Variants in ABCC6 observed in about 807,000 individuals in gnomAD.
The protein encoded by ABCC6 is ATP-binding cassette sub-family C member 6.
Under a neutral mutation model 169.5 loss-of-function variants are expected in ABCC6, and 126 were observed. The ratio of observed to expected loss-of-function variants is 0.74; its 90% confidence interval spans 0.64 to 0.86. The LOEUF is 0.86. ABCC6 is among the 40% of genes least tolerant of loss of function. The pLI, the probability that ABCC6 is intolerant of heterozygous loss-of-function variation, is 0.00. For missense variants in ABCC6, 1,733 were observed against 1,927.2 expected (o/e 0.90, Z 1.89); for synonymous variants, 752 against 814.7 (o/e 0.92, Z 1.31).
intron 21 of ABCC6, among the ~76,000 whole-genome samples, chr16:16,170,968 AAG>A (rs1399581754): frequency 6.8e-6 from 1 of 147,874 alleles, no homozygotes; most frequent in Non-Finnish European, 1.5e-5. Context: ...GAAAGAAAGA[AAG>A]AAATTCCAAG....
At chr16:16,151,397 T>C (rs767611667) in intron 29 of ABCC6, among the ~76,000 whole-genome samples, 3 of 152,184 alleles carry the variant, frequency 2.0e-5, no homozygotes, top group Non-Finnish European at 4.4e-5. Context: ...CATCATACTA[T>C]TTTCCATAGT....
chr16:16,198,297 A>G, intron 9 of ABCC6, 115 bp from the exon 10 acceptor site: 1 of 1,197,614 alleles, frequency 8.3e-7, no homozygotes, highest in Non-Finnish European at 1.2e-6. Context: ...GTGGGTGAGT[A>G]AAGTCTCTTA....
intron 29 of ABCC6, among the ~76,000 whole-genome samples, chr16:16,151,950 T>G (rs1411027713): frequency 1.3e-5 from 2 of 151,840 alleles, no homozygotes; most frequent in Admixed American, 1.3e-4. Flanking sequence ...CCCAGCACTT[T>G]GGGAGGCTGA....
chr16:16,182,438 C>T lies in ABCC6; in HGVS notation c.2221G>A (p.Gly741Arg), dbSNP rs1453926113. 5 of 1,614,054 alleles carry T rather than the reference C, an allele frequency of 3.1e-6. No individual in the cohort carries two copies. In the Admixed American group the frequency reaches 5.0e-5, roughly 16 times the overall value. The change falls in exon 17 of 31, where the codon GGA becomes AGA. Residue 741 changes from glycine (G) to arginine (R), a missense_variant. Gly to Arg is a moderately radical substitution (Grantham distance 125). This residue lies in a region of ABCC6 where 1,601 missense variants were observed against 1,635.5 expected (regional missense o/e 0.98). Coordinates refer to ENST00000205557, the MANE Select transcript of ABCC6 (RefSeq NM_001171.6). ...LQPDVDSFPE[G>R]IHTSIGEQGM... ...TGCTCCCCAATTGAAGTGTGGATTC[C>T]CTCAGGGAAGCTGTCCACATCTGGC...
chr16:16,197,945 G>T, intron 10 of ABCC6, 76 bp downstream of exon 10: 2 of 1,470,806 alleles, frequency 1.4e-6, no homozygotes, highest in Non-Finnish European at 1.9e-6. Context: ...GAGGAAGGGT[G>T]GGAGGGGGAA....
intron 11 of ABCC6, among the ~76,000 whole-genome samples, chr16:16,191,990 G>GTTGTGGGAAGT (rs1567515588): frequency 5.3e-5 from 8 of 151,894 alleles, no homozygotes; most frequent in African/African-American, 1.9e-4. Flanking sequence ...GGACCCTGTA[G>GTTGTGGGAAGT]GTTGTGGGAA....
chr16:16,153,920 A>G (rs184927606), intron 29 of ABCC6, among the ~76,000 whole-genome samples: 13 of 151,158 alleles, frequency 8.6e-5, no homozygotes, highest in East Asian at 1.9e-4. Context: ...AAAAGAAAAA[A>G]AAAAAAAAAG....
intron 26 of ABCC6, among the ~76,000 whole-genome samples, chr16:16,159,252 C>T (rs1346309793): frequency 6.6e-6 from 1 of 152,148 alleles, no homozygotes; most frequent in East Asian, 1.9e-4. Context: ...GGGTGACCTG[C>T]TTTCCTCAAG....
chr16:16,199,000 G>GAA (rs11389909), intron 9 of ABCC6, among the ~76,000 whole-genome samples: 9 of 118,734 alleles, frequency 7.6e-5, no homozygotes, highest in African/African-American at 1.1e-4. Context: ...TTTCGGGGGG[G>GAA]AAAAAAGAAA....
In ABCC6 at chr16:16,154,766, C is replaced by G; in HGVS notation, c.4070G>C (p.Arg1357Pro). The change falls in exon 29 of 31, where the codon CGG (arginine) becomes CCG (proline). Residue 1357 changes from arginine (R) to proline (P), a missense_variant. By Grantham distance (103) the Arg-to-Pro change is moderately radical. Around this residue, in one of 5 missense-constraint regions of ABCC6, gnomAD observed 1,601 missense variants for 1,635.5 expected, o/e 0.98. Transcript: ENST00000205557. Reference protein sequence around the residue: ...QDPILFPGSLRMNLDLLQEHS... With the variant: ...QDPILFPGSLPMNLDLLQEHS... ...CTCCTGCAGCAGGTCGAGGTTCATC[C>G]GCAGAGAGCCAGGGAACAGGATGGG... The G allele has an allele frequency of 6.2e-7, 1 of 1,612,492 alleles. No individual in the cohort carries two copies. Among genetic ancestry groups the G allele is most frequent in the African/African-American group, 1.3e-5 (1 of 75,028 alleles).
At chr16:16,204,453 A>G (rs536072427) in intron 7 of ABCC6, among the ~76,000 whole-genome samples, 1 of 152,294 alleles carries the variant, frequency 6.6e-6, no homozygotes, top group East Asian at 1.9e-4. Context: ...GTGGTTTTGA[A>G]CTGGTGGAGA....
intron 1 of ABCC6, among the ~76,000 whole-genome samples, chr16:16,222,046 C>G (rs1487144039): frequency 6.6e-6 from 1 of 152,114 alleles, no homozygotes; most frequent in Non-Finnish European, 1.5e-5. Context: ...AAGCTGAGGA[C>G]CAGAGAGGTT....
chr16:16,161,614 A>C, intron 24 of ABCC6, 50 bp from the exon 25 acceptor site: 1 of 1,612,670 alleles, frequency 6.2e-7, no homozygotes, highest in African/African-American at 1.3e-5. Context: ...ATCTGCAGGG[A>C]GATGCTTCTC....
In ABCC6 at chr16:16,150,648, C is replaced by T. The variant is rs1295696777; in HGVS notation, c.4333G>A (p.Gly1445Arg). The change falls in exon 30 of 31, where the codon GGG becomes AGG. Residue 1445 changes from glycine to arginine, a missense_variant. Gly to Arg is a moderately radical substitution (Grantham distance 125). Around this residue, in one of 5 missense-constraint regions of ABCC6, gnomAD observed 1,601 missense variants for 1,635.5 expected, o/e 0.98. Coordinates refer to ENST00000205557, the MANE Select transcript of ABCC6 (RefSeq NM_001171.6). Reference protein sequence around the residue: ...GTELQMQAMLGSWFAQCTVLL... With the variant: ...GTELQMQAMLRSWFAQCTVLL... ...ACAGTGCACTGTGCAAACCAGCTCC[C>T]GAGCATGGCCTGCATCTGCAGCTCC... 5.6e-6 allele frequency: 9 copies of T among 1,613,292 alleles called. No homozygotes were observed. The highest frequency in any genetic ancestry group is 1.3e-5 in the African/African-American group (1 of 74,924).
At chr16:16,208,076 T>C (rs950147247) in intron 7 of ABCC6, among the ~76,000 whole-genome samples, 15 of 152,118 alleles carry the variant, frequency 9.9e-5, no homozygotes, top group Non-Finnish European at 2.1e-4. Flanking sequence ...ATATAGTAAG[T>C]GAGCAGCTGC....
intron 11 of ABCC6, among the ~76,000 whole-genome samples, chr16:16,190,797 A>C (rs1406003753): frequency 1.3e-5 from 2 of 150,326 alleles, no homozygotes; most frequent in Non-Finnish European, 3.0e-5. Flanking sequence ...GCCTCCTAAA[A>C]TGCTGGGATT....
chr16:16,173,083 T>C, intron 21 of ABCC6: 1 of 667,740 alleles, frequency 1.5e-6, no homozygotes, highest in Non-Finnish European at 2.5e-6. Flanking sequence ...TCAGTTTCTT[T>C]ATGTCTGAAA....
At chr16:16,160,711 T>C (rs907363710) in intron 25 of ABCC6, among the ~76,000 whole-genome samples, 16 of 138,116 alleles carry the variant, frequency 1.2e-4, no homozygotes, top group African/African-American at 4.1e-4. Context: ...GAAAGTGAGG[T>C]GGGAGAATCC....
At chr16:16,182,671 CT>C (rs757029821) in intron 16 of ABCC6, 83 bp from the exon 17 acceptor site, 151 of 1,591,636 alleles carry the variant, frequency 9.5e-5, no homozygotes, top group Non-Finnish European at 1.3e-4. Flanking sequence ...GAGCTGGGCT[CT>C]CAGTGGTGGG....
Sources: allele counts gnomAD v4.1 joint callset (sites outside exome capture counted in the v4.1 genomes callset), GRCh38; gene constraint gnomAD v4.1.1; regional missense constraint gnomAD v4.1.1; transcripts MANE v1.5; gene names NCBI Gene and HGNC (gene_info 2026-07-23, HGNC 2026-07-21).